LMCD1: variants seen among roughly 807,000 people sequenced by gnomAD.
LMCD1 encodes the protein LIM and cysteine rich domains 1.
LMCD1 carries 32 observed loss-of-function variants against 42.7 expected under a neutral mutation model. The observed-to-expected ratio is 0.75, with a 90% CI of 0.57 to 1.01. LMCD1 has a LOEUF of 1.01. Ranked by LOEUF, LMCD1 falls within the 50% of genes least tolerant of loss-of-function variation. The pLI is 0.00. For missense variants in LMCD1, 458 were observed against 483.1 expected (o/e 0.95, Z 0.49); for synonymous variants, 178 against 184.9 (o/e 0.96, Z 0.30).
chr3:8,536,097 T>A (rs1381577316), intron 2 of LMCD1, among the ~76,000 whole-genome samples: 1 of 152,160 alleles, frequency 6.6e-6, no homozygotes, highest in African/African-American at 2.4e-5. Context: ...CGTATTTACC[T>A]CCTGACTGTA....
At chr3:8,507,308 G>T (rs912546891) in intron 1 of LMCD1, among the ~76,000 whole-genome samples, 3 of 152,170 alleles carry the variant, frequency 2.0e-5, no homozygotes, top group Admixed American at 2.0e-4. Context: ...GTTCACCAAG[G>T]CTCCTTTAGT....
At chr3:8,525,349 T>G (rs1694280334) in intron 1 of LMCD1, among the ~76,000 whole-genome samples, 1 of 152,226 alleles carries the variant, frequency 6.6e-6, no homozygotes, top group Admixed American at 6.5e-5. Flanking sequence ...ATCCATGTTG[T>G]CATGAATGGC....
Position 8,574,392 on chromosome 3 carries a change from C to T in LMCD1, c.*6794C>T, listed in dbSNP as rs1221099034. The T allele has an allele frequency of 2.6e-5, 4 of 152,316 alleles. No homozygotes were observed. The highest frequency in any genetic ancestry group is 5.9e-5 in the Non-Finnish European group (4 of 68,204). 9.4% of individuals were successfully genotyped at this position (152,316 alleles called of 1,614,324 possible). Reference sequence around the variant, plus strand: ...TTTAAAAAAGTCCCTGTGAGAGCAACAGGAGCAAAGCATGGAGAAGAAGCA... The same window carrying T: ...TTTAAAAAAGTCCCTGTGAGAGCAATAGGAGCAAAGCATGGAGAAGAAGCA... On this transcript the variant is annotated 3_prime_UTR_variant, in exon 6 of 6. Coordinates refer to ENST00000157600, the MANE Select transcript of LMCD1 (RefSeq NM_014583.4).
chr3:8,543,389 TAGATAGATGATA>T (rs1694666360), intron 3 of LMCD1, among the ~76,000 whole-genome samples: 1 of 90,656 alleles, frequency 1.1e-5, no homozygotes, highest in African/African-American at 4.1e-5. Flanking sequence ...GATAGATAGA[TAGATAGATGATA>T]GATAGATAGA....
chr3:8,510,023 C>T (rs1442569790), intron 1 of LMCD1, among the ~76,000 whole-genome samples: 1 of 152,178 alleles, frequency 6.6e-6, no homozygotes, highest in Non-Finnish European at 1.5e-5. Context: ...GTATTTTTCA[C>T]AGTACTGATG....
At chr3:8,539,948 T>TA (rs1419070531) in intron 3 of LMCD1, among the ~76,000 whole-genome samples, 3 of 151,806 alleles carry the variant, frequency 2.0e-5, no homozygotes, top group Non-Finnish European at 2.9e-5. Context: ...ACATTAGGTA[T>TA]TCTCCTAATG....
chr3:8,502,059 C>A, intron 1 of LMCD1, 79 bp downstream of exon 1: 2 of 1,369,456 alleles, frequency 1.5e-6, no homozygotes, highest in South Asian at 1.3e-5. Context: ...GGAAACTTCC[C>A]AAAAGGTAAT....
chr3:8,534,156 G>C (rs1694465887), intron 2 of LMCD1, among the ~76,000 whole-genome samples: 1 of 151,732 alleles, frequency 6.6e-6, no homozygotes, highest in South Asian at 2.1e-4. Context: ...AGACAGCTAG[G>C]ACGTCTCCTT....
chr3:8,542,299 G>C (rs1005027657), intron 3 of LMCD1, among the ~76,000 whole-genome samples: 32 of 152,256 alleles, frequency 2.1e-4, no homozygotes, highest in African/African-American at 7.7e-4. Context: ...ACCATGCCCA[G>C]CCCCAGCTGG....
At chr3:8,556,526 G>A (rs919330526) in intron 4 of LMCD1, among the ~76,000 whole-genome samples, 3 of 152,122 alleles carry the variant, frequency 2.0e-5, no homozygotes, top group African/African-American at 7.2e-5. Context: ...TCACCTAGAT[G>A]GTGAGTAGTT....
chr3:8,556,426 G>A (rs557705078), intron 4 of LMCD1, among the ~76,000 whole-genome samples: 26 of 151,866 alleles, frequency 1.7e-4, no homozygotes, highest in Non-Finnish European at 3.7e-4. Flanking sequence ...ATGTGTGTGT[G>A]TGTTGGATCA....
At chr3:8,527,890 G>A (rs142945105) in intron 1 of LMCD1, among the ~76,000 whole-genome samples, 110 of 152,314 alleles carry the variant, frequency 7.2e-4, no homozygotes, top group African/African-American at 2.3e-3. Flanking sequence ...TTTAAAAAGC[G>A]CTTGAGGAGT....
intron 4 of LMCD1, among the ~76,000 whole-genome samples, chr3:8,560,308 T>C (rs1695009974): frequency 6.6e-6 from 1 of 152,124 alleles, no homozygotes; most frequent in Admixed American, 6.5e-5. Context: ...CAGAGTGAAG[T>C]CCCAACCCAT....
intron 1 of LMCD1, among the ~76,000 whole-genome samples, chr3:8,507,516 C>T (rs1037324357): frequency 1.4e-4 from 21 of 152,150 alleles, no homozygotes; most frequent in African/African-American, 4.8e-4. Context: ...TCTGTTCTTA[C>T]TTTTATTATC....
rs1191414519 is a variant in LMCD1, at chr3:8,569,537, G to T, written c.*1939G>T. The T allele has an allele frequency of 6.6e-6, 1 of 152,206 alleles. No homozygotes were observed. Among genetic ancestry groups the T allele is most frequent in the Non-Finnish European group, 1.5e-5 (1 of 68,042 alleles). 9.4% of individuals were successfully genotyped at this position (152,206 alleles called of 1,614,324 possible). ...TACGCCCATAGATGTTACGGTCTGT[G>T]GGGGAGATGGGCCTCAAGCAAATAT... On this transcript the variant is annotated 3_prime_UTR_variant, in exon 6 of 6. Transcript: ENST00000157600.
intron 4 of LMCD1, chr3:8,550,786 A>G (rs560941907): frequency 1.0e-6 from 1 of 985,244 alleles, no homozygotes; most frequent in South Asian, 4.7e-5. Context: ...GTTTGTTCAT[A>G]AACCCTAAAT....
chr3:8,540,903 T>C (rs544814157), intron 3 of LMCD1, among the ~76,000 whole-genome samples: 1 of 152,166 alleles, frequency 6.6e-6, no homozygotes, highest in Non-Finnish European at 1.5e-5. Flanking sequence ...TCCAGACCCA[T>C]GGCAGGCATT....
intron 1 of LMCD1, among the ~76,000 whole-genome samples, chr3:8,520,368 G>A (rs2125015889): frequency 6.6e-6 from 1 of 152,258 alleles, no homozygotes; most frequent in Admixed American, 6.5e-5. Flanking sequence ...ATATATCCTT[G>A]AGAAGGAGTC....
chr3:8,543,977 C>T (rs1694684784), intron 3 of LMCD1, among the ~76,000 whole-genome samples: 2 of 152,318 alleles, frequency 1.3e-5, no homozygotes, highest in South Asian at 2.1e-4. Context: ...TCTCCTAAGA[C>T]GGGGTCAGGA....
Sources: allele counts gnomAD v4.1 joint callset (sites outside exome capture counted in the v4.1 genomes callset), GRCh38; gene constraint gnomAD v4.1.1; transcripts MANE v1.5; gene names NCBI Gene and HGNC (gene_info 2026-07-23, HGNC 2026-07-21).